HCN1: variants seen among roughly 807,000 people sequenced by gnomAD.
HCN1 encodes hyperpolarization activated cyclic nucleotide gated potassium channel 1, also known as potassium/sodium hyperpolarization-activated cyclic nucleotide-gated channel 1.
In HCN1, 13 loss-of-function variants were observed where a neutral mutation model predicts 78.9. The ratio of observed to expected loss-of-function variants is 0.16; its 90% CI spans 0.11 to 0.26. The LOEUF (loss-of-function observed/expected upper bound fraction) is 0.26, where lower values mean the gene tolerates loss of function less well. Among genes scored for constraint, HCN1 ranks in the 10% least tolerant of loss-of-function variants. The pLI is 1.00. For missense variants in HCN1, 810 were observed against 1,154.3 expected (o/e 0.70, Z 4.32); for synonymous variants, 552 against 455.5 (o/e 1.21, Z -2.70).
At chr5:45,655,668 C>CTCAAAAGACATAGAGAG (rs1745749932) in intron 1 of HCN1, among the ~76,000 whole-genome samples, 1 of 152,080 alleles carries the variant, frequency 6.6e-6, no homozygotes, top group African/African-American at 2.4e-5. Flanking sequence ...GTCTCTATGT[C>CTCAAAAGACATAGAGAG]TTTTGATATA....
chr5:45,351,598 C>A (rs201398035), intron 5 of HCN1, among the ~76,000 whole-genome samples: 21,641 of 107,196 alleles, frequency 0.2, 2,607 homozygotes, highest in African/African-American at 0.44. Flanking sequence ...CAACCTACAA[C>A]ATGGGAGAAA....
At chr5:45,646,536 T>TA (rs914711614) in intron 1 of HCN1, among the ~76,000 whole-genome samples, 198 of 150,732 alleles carry the variant, frequency 1.3e-3, no homozygotes, top group African/African-American at 4.6e-3. Flanking sequence ...CATGCCCAGC[T>TA]AAAAAAAAAT....
chr5:45,691,952 T>C (rs1184356266), intron 1 of HCN1, among the ~76,000 whole-genome samples: 1 of 152,142 alleles, frequency 6.6e-6, no homozygotes, highest in Admixed American at 6.5e-5. Context: ...CACACACTCA[T>C]ACTAATGATG....
chr5:45,671,692 C>T (rs1050824407), intron 1 of HCN1, among the ~76,000 whole-genome samples: 4 of 151,332 alleles, frequency 2.6e-5, no homozygotes, highest in Non-Finnish European at 4.4e-5. Flanking sequence ...AGTTGTATAA[C>T]TATTTATAGT....
intron 2 of HCN1, among the ~76,000 whole-genome samples, chr5:45,563,147 G>A (rs987304278): frequency 6.6e-6 from 1 of 152,058 alleles, no homozygotes; most frequent in Non-Finnish European, 1.5e-5. Flanking sequence ...TATATGTAGT[G>A]AATTTAAAAT....
At chr5:45,693,050 G>C (rs1205987095) in intron 1 of HCN1, among the ~76,000 whole-genome samples, 1 of 152,080 alleles carries the variant, frequency 6.6e-6, no homozygotes, top group Non-Finnish European at 1.5e-5. Flanking sequence ...GCACCTCCCT[G>C]AAATAATCCT....
intron 4 of HCN1, 40 bp from the exon 5 acceptor site, chr5:45,353,286 T>C: frequency 7.1e-7 from 1 of 1,405,948 alleles, no homozygotes; most frequent in Non-Finnish European, 1.0e-6. Flanking sequence ...AAAACATTGT[T>C]AGGGTGTATC....
intron 2 of HCN1, among the ~76,000 whole-genome samples, chr5:45,521,986 T>A (rs1344038052): frequency 2.0e-5 from 3 of 152,012 alleles, no homozygotes; most frequent in African/African-American, 7.2e-5. Context: ...GAGATTGATT[T>A]AGTCAGTTTA....
At chr5:45,368,321 C>T (rs1214341508) in intron 4 of HCN1, among the ~76,000 whole-genome samples, 5 of 151,944 alleles carry the variant, frequency 3.3e-5, no homozygotes, top group Non-Finnish European at 7.4e-5. Flanking sequence ...TGAACATTTT[C>T]TTAGTCAGGT....
chr5:45,579,225 G>A (rs976666809), intron 2 of HCN1, among the ~76,000 whole-genome samples: 4 of 152,000 alleles, frequency 2.6e-5, no homozygotes, highest in South Asian at 4.1e-4. Flanking sequence ...AATGACAAAC[G>A]GAAAGGTAAT....
intron 3 of HCN1, among the ~76,000 whole-genome samples, chr5:45,450,058 C>T (rs1017134802): frequency 6.6e-6 from 1 of 152,180 alleles, no homozygotes; most frequent in Non-Finnish European, 1.5e-5. Context: ...GTCTCAATCT[C>T]CTGACCTCGT....
At chr5:45,435,275 A>G (rs935393326) in intron 3 of HCN1, among the ~76,000 whole-genome samples, 1 of 152,126 alleles carries the variant, frequency 6.6e-6, no homozygotes, top group Non-Finnish European at 1.5e-5. Context: ...GCATGTTATC[A>G]TGGTATTTTA....
At chr5:45,435,805 A>AGAGAT (rs1347415331) in intron 3 of HCN1, among the ~76,000 whole-genome samples, 1 of 152,196 alleles carries the variant, frequency 6.6e-6, no homozygotes. Flanking sequence ...AAAAGATACT[A>AGAGAT]GAGATAAACT....
At chr5:45,279,035 T>C (rs550008470) in intron 6 of HCN1, among the ~76,000 whole-genome samples, 32 of 152,244 alleles carry the variant, frequency 2.1e-4, no homozygotes, top group African/African-American at 7.5e-4. Flanking sequence ...TTACATACAT[T>C]TTTTTCCTTA....
intron 2 of HCN1, among the ~76,000 whole-genome samples, chr5:45,536,283 C>A (rs1302575460): frequency 6.6e-6 from 1 of 152,024 alleles, no homozygotes; most frequent in East Asian, 1.9e-4. Context: ...ATTTTTTCTG[C>A]CCCAATTCCT....
At chr5:45,335,321 T>C (rs953159873) in intron 5 of HCN1, among the ~76,000 whole-genome samples, 15 of 152,092 alleles carry the variant, frequency 9.9e-5, no homozygotes, top group African/African-American at 3.6e-4. Flanking sequence ...TCTACCTAGT[T>C]CTATTAGGTT....
intron 2 of HCN1, among the ~76,000 whole-genome samples, chr5:45,630,940 A>T (rs1222124418): frequency 2.6e-5 from 4 of 152,002 alleles, no homozygotes; most frequent in Admixed American, 6.6e-5. Context: ...TATATTTATT[A>T]AAAAAATGAA....
At chr5:45,585,542 G>A (rs1036880447) in intron 2 of HCN1, among the ~76,000 whole-genome samples, 28 of 152,064 alleles carry the variant, frequency 1.8e-4, no homozygotes, top group East Asian at 3.9e-4. Context: ...GTCATTCTCC[G>A]TCCAGCTTTG....
chr5:45,650,537 T>G (rs1346380717), intron 1 of HCN1, among the ~76,000 whole-genome samples: 1 of 152,064 alleles, frequency 6.6e-6, no homozygotes. Context: ...ATGATCTTTA[T>G]AATTACAGCA....
Sources: gnomAD v4.1 joint callset for allele counts (sites outside exome capture counted in the v4.1 genomes callset) on GRCh38, gnomAD v4.1.1 for gene constraint, MANE v1.5 for transcripts, NCBI Gene and HGNC (gene_info 2026-07-23, HGNC 2026-07-21) for gene names.